The following BTF3L4 variants were observed in gnomAD, a reference collection of about 807,000 sequenced individuals.
The protein encoded by BTF3L4 is transcription factor BTF3 homolog 4.
A neutral mutation model predicts 16.8 loss-of-function variants in BTF3L4; 6 were observed. The observed-to-expected ratio is 0.36, with a 90% CI of 0.20 to 0.71. The LOEUF (loss-of-function observed/expected upper bound fraction) is 0.71. Ranked by LOEUF, BTF3L4 falls within the 30% of genes least tolerant of loss-of-function variation. BTF3L4 has a pLI of 0.58. For missense variants in BTF3L4, 92 were observed against 186.9 expected (o/e 0.49, Z 2.96); for synonymous variants, 39 against 59.8 (o/e 0.65, Z 1.60).
chr1:52,072,085 C>T (rs1177770615), intron 3 of BTF3L4, among the ~76,000 whole-genome samples: 17 of 147,946 alleles, frequency 1.1e-4, no homozygotes, highest in Non-Finnish European at 1.8e-4. Flanking sequence ...GGTGCAGTCT[C>T]GCTCTTTTGC....
chr1:52,080,560 G>A (rs1250543587), intron 3 of BTF3L4, among the ~76,000 whole-genome samples: 1 of 109,082 alleles, frequency 9.2e-6, no homozygotes, highest in South Asian at 3.1e-4. Flanking sequence ...TTGAGACGGA[G>A]TCTGACTCTG....
At chr1:52,082,532 C>T (rs1005765740) in intron 3 of BTF3L4, among the ~76,000 whole-genome samples, 4 of 151,994 alleles carry the variant, frequency 2.6e-5, no homozygotes, top group Admixed American at 2.0e-4. Context: ...GTCAGGAGTT[C>T]GAGACCAGCC....
At position 52,086,284 on chromosome 1, in the gene BTF3L4, G is replaced by T. The variant is rs145513582; in HGVS notation, c.430+113G>T. 125 of 746,718 alleles carry T rather than the reference G, an allele frequency of 1.7e-4. No individual in the cohort carries two copies. The African/African-American group carries it at 2.0e-3, about 12-fold the overall frequency. 46.3% of individuals were successfully genotyped at this position (746,718 alleles called of 1,614,324 possible). A position where few individuals can be genotyped will look rare whatever the true frequency, so the allele number is the denominator to read the frequency against. ...GATTGTAAGCTCATGAATTTAAATTGATTCACAATAATGTGGATAGGATCT... is the reference window on the plus strand; with the variant it reads ...GATTGTAAGCTCATGAATTTAAATTTATTCACAATAATGTGGATAGGATCT... On this transcript the variant is annotated intron_variant, in intron 5 of 5. Coordinates refer to ENST00000313334, the MANE Select transcript of BTF3L4 (RefSeq NM_152265.5).
chr1:52,082,940 A>G (rs181902265), intron 3 of BTF3L4, among the ~76,000 whole-genome samples: 63 of 152,218 alleles, frequency 4.1e-4, no homozygotes, highest in African/African-American at 1.4e-3. Flanking sequence ...CCTAAGTAAG[A>G]TGCTACCCTG....
rs1644005522 is a variant in BTF3L4 at position 52,090,074 on chromosome 1, A to G, written c.*3316A>G. On this transcript the variant is annotated 3_prime_UTR_variant, in exon 6 of 6. Transcript: ENST00000313334. ...GATCAATTCTGCTATCTACCCTTAC[A>G]TTGTAACCTTTCTGACAGGGCTGCT... 1 of 152,198 alleles carries G rather than the reference A, an allele frequency of 6.6e-6. No individual in the cohort carries two copies. The highest frequency in any genetic ancestry group is 2.4e-5 in the African/African-American group (1 of 41,436). 9.4% of individuals were successfully genotyped at this position (152,198 alleles called of 1,614,324 possible).
rs182583769 is a variant in BTF3L4 at position 52,072,831 on chromosome 1, T to C, written c.168+7893T>C. On this transcript the variant is annotated intron_variant, in intron 3 of 5. Transcript: ENST00000313334. ...ATCCTAGCACTTTGGGAGGCTGAGG[T>C]GGTCGCATCACGAGGTCAGGAGTTC... is the stretch of plus-strand genomic sequence containing the variant. 5.3e-5 allele frequency among the ~76,000 whole-genome samples: 8 copies of C among 152,168 alleles called. No individual in the cohort carries two copies. The East Asian group carries it at 1.5e-3, about 29-fold the overall frequency.
At chr1:52,069,166 C>T (rs760523593) in intron 3 of BTF3L4, among the ~76,000 whole-genome samples, 7 of 152,096 alleles carry the variant, frequency 4.6e-5, no homozygotes, top group Non-Finnish European at 8.8e-5. Flanking sequence ...ACAGGGAAAA[C>T]GTACAAAGTA....
intron 3 of BTF3L4, among the ~76,000 whole-genome samples, chr1:52,067,560 T>C (rs537943520): frequency 1.3e-5 from 2 of 152,330 alleles, no homozygotes; most frequent in Admixed American, 1.3e-4. Context: ...GGACCTCAAA[T>C]ATTTTAGAGA....
At chr1:52,075,478 C>T (rs1686906631) in intron 3 of BTF3L4, among the ~76,000 whole-genome samples, 1 of 147,328 alleles carries the variant, frequency 6.8e-6, no homozygotes, top group Admixed American at 6.8e-5. Context: ...GCCGAGATCG[C>T]ACCACTACAC....
At chr1:52,073,207 C>G (rs1045192240) in intron 3 of BTF3L4, among the ~76,000 whole-genome samples, 1 of 152,038 alleles carries the variant, frequency 6.6e-6, no homozygotes, top group Non-Finnish European at 1.5e-5. Context: ...TTGCCTGAAC[C>G]TGGGAGGCAG....
At chr1:52,084,955 T>C (rs568582181) in intron 4 of BTF3L4, among the ~76,000 whole-genome samples, 9 of 151,830 alleles carry the variant, frequency 5.9e-5, no homozygotes, top group African/African-American at 1.9e-4. Flanking sequence ...AATCTAGTAT[T>C]GTAGTGCCCA....
intron 3 of BTF3L4, among the ~76,000 whole-genome samples, chr1:52,079,867 C>G (rs887157507): frequency 3.6e-5 from 1 of 28,124 alleles, no homozygotes; most frequent in South Asian, 2.2e-3. Context: ...TTTTTCTTTT[C>G]TTTTCTTTTT....
intron 1 of BTF3L4, among the ~76,000 whole-genome samples, chr1:52,057,404 A>G (rs1237693617): frequency 6.6e-6 from 1 of 152,224 alleles, no homozygotes; most frequent in Non-Finnish European, 1.5e-5. Context: ...CTCATTAATC[A>G]TGTGGCTTTA....
At chr1:52,084,913 C>G (rs576453307) in intron 4 of BTF3L4, among the ~76,000 whole-genome samples, 9 of 150,158 alleles carry the variant, frequency 6.0e-5, no homozygotes, top group Non-Finnish European at 1.2e-4. Flanking sequence ...GTCCTGGTTT[C>G]AAATGTGTCA....
Position 52,086,127 on chromosome 1 carries a change from C to T in BTF3L4, c.386C>T (p.Ala129Val), listed in dbSNP as rs984348518. Residue 129 changes from alanine (A) to valine (V), a missense_variant, in exon 5 of 6, where the codon GCA (alanine) becomes GTA (valine). By Grantham distance (64) the Ala-to-Val change is moderately conservative. Coordinates refer to ENST00000313334, the MANE Select transcript of BTF3L4 (RefSeq NM_152265.5). ...CTTTTTGTAGTCTTGGACAGTAAAGCACCAAAACCAGAAGACATTGATGAG... is the reference window on the plus strand; with the variant it reads ...CTTTTTGTAGTCTTGGACAGTAAAGTACCAAAACCAGAAGACATTGATGAG... ...QFPRQVLDSKAPKPEDIDEED... is the reference protein window; with the variant it reads ...QFPRQVLDSKVPKPEDIDEED... The T allele has an allele frequency of 1.2e-6, 2 of 1,609,216 alleles. No homozygotes were observed. The highest frequency in any genetic ancestry group is 2.7e-5 in the African/African-American group (2 of 74,688).
At chr1:52,084,552 G>A (rs1312384778) in intron 4 of BTF3L4, among the ~76,000 whole-genome samples, 1 of 151,840 alleles carries the variant, frequency 6.6e-6, no homozygotes, top group Admixed American at 6.6e-5. Flanking sequence ...AGCACTTTGT[G>A]ATGCTGAGGA....
At chr1:52,059,074 G>GC (rs376431846) in intron 1 of BTF3L4, among the ~76,000 whole-genome samples, 5,827 of 149,506 alleles carry the variant, frequency 0.039, 158 homozygotes, top group African/African-American at 0.066. Context: ...TCTCCTCTCT[G>GC]CCCCCCCCCA....
chr1:52,058,035 T>G (rs1263482138), intron 1 of BTF3L4, among the ~76,000 whole-genome samples: 1 of 152,238 alleles, frequency 6.6e-6, no homozygotes, highest in Non-Finnish European at 1.5e-5. Flanking sequence ...TAGCCCCTTT[T>G]TTTTTGCAAT....
Position 52,086,898 on chromosome 1 carries a change from C to T in BTF3L4, c.*140C>T, listed in dbSNP as rs1288955206. On this transcript the variant is annotated 3_prime_UTR_variant, in exon 6 of 6. Coordinates refer to ENST00000313334, the MANE Select transcript of BTF3L4 (RefSeq NM_152265.5). ...TTGTATATTAATAATGCTGTTTGTT[C>T]AGCATTTTTCGGTCATTTGATTTTG... 5 of 451,316 alleles carry T rather than the reference C, an allele frequency of 1.1e-5. No individual in the cohort carries two copies. Among genetic ancestry groups the T allele is most frequent in the East Asian group, 3.5e-5 (1 of 28,196 alleles). 28.0% of individuals were successfully genotyped at this position (451,316 alleles called of 1,614,324 possible).
Sources: allele counts gnomAD v4.1 joint callset (sites outside exome capture counted in the v4.1 genomes callset), GRCh38; gene constraint gnomAD v4.1.1; transcripts MANE v1.5; gene names NCBI Gene and HGNC (gene_info 2026-07-23, HGNC 2026-07-21).